Variants in HDAC9 observed in about 807,000 individuals in gnomAD.
HDAC9 encodes MEF-2 interacting transcription repressor (MITR) protein.
A neutral mutation model predicts 139.4 loss-of-function variants in HDAC9; 41 were observed. That is an observed-to-expected ratio of 0.29 (90% confidence interval 0.23 to 0.38). The LOEUF (loss-of-function observed/expected upper bound fraction) is 0.38. HDAC9 is among the 10% of genes least tolerant of loss of function. The probability of loss-of-function intolerance (pLI) is 1.00; values close to 1 mark genes in which losing one functional copy is unlikely to be tolerated. For synonymous variants in HDAC9, 517 were observed against 476.2 expected, an observed-to-expected ratio of 1.09 and a Z score of -1.12; for missense variants, 1,147 against 1,297.0, an observed-to-expected ratio of 0.88 and a Z score of 1.78.
chr7:18,199,062 A>G (rs1790919953), intron 2 of HDAC9, among the ~76,000 whole-genome samples: 1 of 151,966 alleles, frequency 6.6e-6, no homozygotes, highest in Admixed American at 6.6e-5. Context: ...CAAAGTGCTG[A>G]TTTTGCTTTT....
chr7:18,457,987 G>T (rs1793497054), intron 1 of HDAC9, among the ~76,000 whole-genome samples: 1 of 152,108 alleles, frequency 6.6e-6, no homozygotes, highest in Admixed American at 6.5e-5. Context: ...ACTATCTGAG[G>T]TTGTGTATGG....
At chr7:18,994,366 T>C (rs1178040403) in intron 25 of HDAC9, among the ~76,000 whole-genome samples, 1 of 152,236 alleles carries the variant, frequency 6.6e-6, no homozygotes, top group Non-Finnish European at 1.5e-5. Context: ...TTAAATGTCT[T>C]CCTTAATTTA....
chr7:18,860,057 C>A (rs1232222844), intron 21 of HDAC9, among the ~76,000 whole-genome samples: 1 of 151,354 alleles, frequency 6.6e-6, no homozygotes, highest in East Asian at 1.9e-4. Flanking sequence ...AATATGTGTA[C>A]TAAGCTACAC....
intron 2 of HDAC9, among the ~76,000 whole-genome samples, chr7:18,516,012 A>G (rs762527161): frequency 1.1e-4 from 17 of 152,218 alleles, no homozygotes; most frequent in Non-Finnish European, 2.4e-4. Context: ...TTTACTAAGG[A>G]CACATTATTA....
chr7:18,691,393 T>C (rs1218079132), intron 12 of HDAC9, among the ~76,000 whole-genome samples: 1 of 152,046 alleles, frequency 6.6e-6, no homozygotes, highest in African/African-American at 2.4e-5. Flanking sequence ...TTGCTCTTTC[T>C]GATCTTATAT....
At chr7:18,252,545 G>T (rs147453382) in intron 2 of HDAC9, among the ~76,000 whole-genome samples, 4 of 151,998 alleles carry the variant, frequency 2.6e-5, no homozygotes, top group Non-Finnish European at 5.9e-5. Context: ...ATCCTTCTCT[G>T]TTGCCATGTT....
intron 2 of HDAC9, among the ~76,000 whole-genome samples, chr7:18,515,445 G>A (rs1289747234): frequency 3.9e-5 from 6 of 152,082 alleles, no homozygotes; most frequent in Non-Finnish European, 7.4e-5. Context: ...CTCCTACAGC[G>A]TTAGACATAT....
chr7:18,319,685 C>T (rs893024342), intron 1 of HDAC9, among the ~76,000 whole-genome samples: 17 of 152,136 alleles, frequency 1.1e-4, no homozygotes, highest in African/African-American at 4.1e-4. Flanking sequence ...TTAAGAGGCA[C>T]TTCTGTTGTG....
At chr7:18,818,398 A>G (rs1018022402) in intron 17 of HDAC9, among the ~76,000 whole-genome samples, 11 of 152,198 alleles carry the variant, frequency 7.2e-5, no homozygotes, top group African/African-American at 2.7e-4. Flanking sequence ...ATTTTGTTAT[A>G]GTTTCCTAAA....
intron 24 of HDAC9, among the ~76,000 whole-genome samples, chr7:18,966,101 T>A (rs968061213): frequency 1.2e-4 from 18 of 152,226 alleles, no homozygotes; most frequent in African/African-American, 4.3e-4. Flanking sequence ...TTAGCTTCTA[T>A]CATTGTTTCC....
intron 1 of HDAC9, among the ~76,000 whole-genome samples, chr7:18,382,659 A>G (rs1385790749): frequency 1.3e-5 from 2 of 152,250 alleles, no homozygotes; most frequent in Non-Finnish European, 2.9e-5. Context: ...ATACGATGTC[A>G]TTGTCTACCT....
chr7:18,451,389 GTGTGTGTGTGTGTATATA>G (rs981679903), intron 1 of HDAC9, among the ~76,000 whole-genome samples: 1 of 139,814 alleles, frequency 7.2e-6, no homozygotes, highest in Non-Finnish European at 1.6e-5. Context: ...GTGTGTGTGT[GTGTGTGTGTGTGTATATA>G]TGTGTGTGTG....
rs910710572 is a variant in HDAC9, at chr7:18,332,576, TA to T, written c.-42+42069del. ...TGGAAGGGAGCTATGGCACAGGGAT[TA>T]AAAAAAATGTTTTGCACCTGGCTCC... On this transcript the variant is annotated intron_variant, in intron 1 of 3. Coordinates refer to the HDAC9 transcript ENST00000413509. Among the ~76,000 whole-genome samples, 56 of 151,532 alleles carry T rather than the reference TA, an allele frequency of 3.7e-4. No individual in the cohort carries two copies. The South Asian group carries it at 4.8e-3, about 13-fold the overall frequency.
chr7:18,222,588 A>G (rs539516566), intron 2 of HDAC9, among the ~76,000 whole-genome samples: 1 of 152,264 alleles, frequency 6.6e-6, no homozygotes, highest in African/African-American at 2.4e-5. Flanking sequence ...CTTACCCCCT[A>G]CAGATGACCA....
intron 2 of HDAC9, among the ~76,000 whole-genome samples, chr7:18,174,148 T>G (rs1285355866): frequency 2.0e-5 from 3 of 152,326 alleles, no homozygotes; most frequent in South Asian, 4.1e-4. Context: ...GTTTGTTTCT[T>G]TTTACTCTTT....
chr7:18,543,892 A>C (rs556588252), intron 2 of HDAC9, among the ~76,000 whole-genome samples: 1 of 152,050 alleles, frequency 6.6e-6, no homozygotes, highest in South Asian at 2.1e-4. Flanking sequence ...TTAGGAAAAA[A>C]AAAAAAAAAA....
chr7:18,264,118 A>G (rs1795853678), intron 2 of HDAC9, among the ~76,000 whole-genome samples: 1 of 152,230 alleles, frequency 6.6e-6, no homozygotes, highest in African/African-American at 2.4e-5. Context: ...TCACTACTCC[A>G]CTTTACATAA....
intron 2 of HDAC9, among the ~76,000 whole-genome samples, chr7:18,268,223 A>AT: frequency 6.6e-6 from 1 of 152,238 alleles, no homozygotes; most frequent in Middle Eastern, 3.4e-3. Context: ...TGTGCTGTGT[A>AT]TTTTGCAGCT....
chr7:18,542,433 G>A (rs1813302261), intron 2 of HDAC9, among the ~76,000 whole-genome samples: 1 of 152,028 alleles, frequency 6.6e-6, no homozygotes, highest in South Asian at 2.1e-4. Flanking sequence ...AGCAGTTCCT[G>A]GCACATAGGA....
Sources: allele counts gnomAD v4.1 joint callset (sites outside exome capture counted in the v4.1 genomes callset), GRCh38; gene constraint gnomAD v4.1.1; transcripts MANE v1.5; gene names NCBI Gene and HGNC (gene_info 2026-07-23, HGNC 2026-07-21).